Variants in PDSS2 observed in about 807,000 individuals in gnomAD.
PDSS2 encodes all trans-polyprenyl-diphosphate synthase PDSS2.
Under a neutral mutation model 44.5 loss-of-function variants are expected in PDSS2, and 31 were observed. The ratio of observed to expected loss-of-function variants is 0.70; its 90% confidence interval spans 0.52 to 0.94. PDSS2 has a LOEUF of 0.94. Among genes scored for constraint, PDSS2 ranks in the 40% least tolerant of loss-of-function variants. The probability of loss-of-function intolerance (pLI) is 0.00; values close to 1 mark genes in which losing one functional copy is unlikely to be tolerated. For synonymous variants in PDSS2, 157 were observed against 180.3 expected (o/e 0.87, Z 1.03); for missense variants, 452 against 482.2 (o/e 0.94, Z 0.59).
chr6:107,170,454 G>A (rs536551523), intron 7 of PDSS2, among the ~76,000 whole-genome samples: 1 of 152,298 alleles, frequency 6.6e-6, no homozygotes, highest in South Asian at 2.1e-4. Context: ...CCCTGCTTCA[G>A]CTCACGCTCG....
chr6:107,202,455 G>A lies in PDSS2; in HGVS notation c.1008+7984C>T, dbSNP rs72939806. On this transcript the variant is annotated intron_variant, in intron 6 of 7. Coordinates refer to ENST00000369037, the MANE Select transcript of PDSS2 (RefSeq NM_020381.4). ...GTGTATGGGGATAACAGAAAGAAGG[G>A]TCACAAATCAGAAATCTACTACATC... Among the ~76,000 whole-genome samples, 1,113 of 152,244 alleles carry A rather than the reference G, an allele frequency of 7.3e-3. 13 individuals are homozygous for A. The highest frequency in any genetic ancestry group is 0.05 in the South Asian group (240 of 4,822).
chr6:107,295,834 T>A (rs897756270), intron 2 of PDSS2, among the ~76,000 whole-genome samples: 1 of 151,652 alleles, frequency 6.6e-6, no homozygotes, highest in African/African-American at 2.4e-5. Flanking sequence ...CCTAGAATAA[T>A]TTTTTTTAGA....
chr6:107,336,123 C>T (rs1396698358), intron 1 of PDSS2, among the ~76,000 whole-genome samples: 4 of 151,766 alleles, frequency 2.6e-5, no homozygotes, highest in Non-Finnish European at 1.5e-5. Flanking sequence ...GGCGTGGTGG[C>T]AGGTACCTGT....
chr6:107,307,763 G>C (rs952705309), intron 2 of PDSS2, among the ~76,000 whole-genome samples: 1 of 151,976 alleles, frequency 6.6e-6, no homozygotes, highest in African/African-American at 2.4e-5. Context: ...TCCACAGTAG[G>C]GTTCTTTTTT....
intron 1 of PDSS2, among the ~76,000 whole-genome samples, chr6:107,363,635 A>G (rs1343019296): frequency 6.6e-6 from 1 of 152,226 alleles, no homozygotes; most frequent in East Asian, 1.9e-4. Flanking sequence ...GCGAAAGAAC[A>G]AAGCTCCCAC....
chr6:107,217,023 T>TA (rs376343651), intron 4 of PDSS2, among the ~76,000 whole-genome samples: 56 of 152,070 alleles, frequency 3.7e-4, no homozygotes, highest in African/African-American at 1.3e-3. Flanking sequence ...CTGGAAAAAA[T>TA]AAAGTCTGAG....
intron 6 of PDSS2, among the ~76,000 whole-genome samples, chr6:107,198,460 A>G (rs956257678): frequency 4.3e-4 from 65 of 152,178 alleles, no homozygotes; most frequent in African/African-American, 1.3e-3. Context: ...CTATGAAATC[A>G]TTTTACTCTT....
chr6:107,159,191 C>A (rs1426955472), intron 7 of PDSS2, among the ~76,000 whole-genome samples: 1 of 151,812 alleles, frequency 6.6e-6, no homozygotes, highest in African/African-American at 2.4e-5. Context: ...CCAAGAAAGC[C>A]ATCCCACCCA....
chr6:107,182,504 T>C (rs1016862393), intron 7 of PDSS2, among the ~76,000 whole-genome samples: 2 of 152,172 alleles, frequency 1.3e-5, no homozygotes, highest in African/African-American at 4.8e-5. Flanking sequence ...TTTGTATCTG[T>C]AGTAGAGACG....
intron 1 of PDSS2, among the ~76,000 whole-genome samples, chr6:107,402,387 T>C (rs1211532215): frequency 9.8e-6 from 1 of 101,746 alleles, no homozygotes; most frequent in Non-Finnish European, 2.2e-5. Context: ...TCATAGTGTA[T>C]TAGTCTGTTC....
chr6:107,211,268 A>G (rs1773194273), intron 5 of PDSS2, among the ~76,000 whole-genome samples: 1 of 151,620 alleles, frequency 6.6e-6, no homozygotes, highest in South Asian at 2.1e-4. Context: ...TATATATTAA[A>G]TTAAATTTAA....
intron 4 of PDSS2, among the ~76,000 whole-genome samples, chr6:107,243,982 G>C (rs1236759189): frequency 6.6e-6 from 1 of 152,146 alleles, no homozygotes; most frequent in East Asian, 1.9e-4. Flanking sequence ...TACAAAATTA[G>C]CCAGGTGTGG....
chr6:107,187,664 C>CAA (rs112747628), intron 7 of PDSS2, among the ~76,000 whole-genome samples: 8 of 120,736 alleles, frequency 6.6e-5, no homozygotes, highest in East Asian at 2.4e-4. Flanking sequence ...AACTCCATCT[C>CAA]AAAAAAAAAA....
At chr6:107,400,058 T>C (rs903973434) in intron 1 of PDSS2, among the ~76,000 whole-genome samples, 4 of 152,074 alleles carry the variant, frequency 2.6e-5, no homozygotes, top group Admixed American at 2.6e-4. Flanking sequence ...ATTCCCAGTA[T>C]GTGAGTGGGG....
intron 6 of PDSS2, among the ~76,000 whole-genome samples, chr6:107,209,753 C>T (rs1773132642): frequency 7.9e-5 from 12 of 151,954 alleles, no homozygotes; most frequent in Admixed American, 7.9e-4. Flanking sequence ...CTACCCCCAC[C>T]CTCAGCTGTG....
chr6:107,402,501 C>CGT (rs1780167425), intron 1 of PDSS2, among the ~76,000 whole-genome samples: 1 of 48,724 alleles, frequency 2.1e-5, no homozygotes, highest in Non-Finnish European at 4.8e-5. Context: ...TATATGTATA[C>CGT]ATATATATAC....
chr6:107,345,620 G>A (rs1316416699), intron 1 of PDSS2, among the ~76,000 whole-genome samples: 1 of 151,810 alleles, frequency 6.6e-6, no homozygotes, highest in Non-Finnish European at 1.5e-5. Context: ...ATACTTTATA[G>A]AGTAACAGAT....
chr6:107,221,853 G>A (rs556835750), intron 4 of PDSS2, among the ~76,000 whole-genome samples: 15 of 152,238 alleles, frequency 9.9e-5, no homozygotes, highest in Admixed American at 8.5e-4. Context: ...TAATTGGCCC[G>A]GAAAGGTGTC....
At position 107,273,288 on chromosome 6, in the gene PDSS2, A is replaced by G. The variant is rs561599278; in HGVS notation, c.630+741T>C. 3.9e-5 allele frequency among the ~76,000 whole-genome samples: 6 copies of G among 152,112 alleles called. No homozygotes were observed. The East Asian group carries it at 1.2e-3, about 29-fold the overall frequency. Reference sequence around the variant, plus strand: ...AGTGAGCCACCACACCTGGCCTTTAACCTGGGTGATACAGTGAGACCATGT... The same window carrying G: ...AGTGAGCCACCACACCTGGCCTTTAGCCTGGGTGATACAGTGAGACCATGT... On this transcript the variant is annotated intron_variant, in intron 3 of 7. Coordinates refer to ENST00000369037, the MANE Select transcript of PDSS2 (RefSeq NM_020381.4).
Sources: allele counts gnomAD v4.1 joint callset (sites outside exome capture counted in the v4.1 genomes callset), GRCh38; gene constraint gnomAD v4.1.1; transcripts MANE v1.5; gene names NCBI Gene and HGNC (gene_info 2026-07-23, HGNC 2026-07-21).